The following PEX7 variants were observed in gnomAD, a reference collection of about 807,000 sequenced individuals.
PEX7 encodes PTS2 receptor.
In PEX7, 34 loss-of-function variants were observed where a neutral mutation model predicts 47.5. The ratio of observed to expected loss-of-function variants is 0.72; its 90% CI spans 0.54 to 0.95. The LOEUF is 0.95. Ranked by LOEUF, PEX7 falls within the 40% of genes least tolerant of loss-of-function variation. PEX7 has a pLI of 0.00. For missense variants in PEX7, 394 were observed against 400.3 expected (o/e 0.98, Z 0.13); for synonymous variants, 141 against 148.8 (o/e 0.95, Z 0.38).
At chr6:136,878,250 AC>A (rs1403600513) in intron 8 of PEX7, among the ~76,000 whole-genome samples, 1 of 152,188 alleles carries the variant, frequency 6.6e-6, no homozygotes, top group East Asian at 1.9e-4. Context: ...TCATCTGCAA[AC>A]ACAGACGATT....
intron 5 of PEX7, chr6:136,855,867 A>G (rs1774851984): frequency 4.7e-6 from 1 of 210,996 alleles, no homozygotes. Context: ...CTTTATGCGT[A>G]TGACCAAATA....
At chr6:136,842,002 CTT>C (rs1201074060) in intron 3 of PEX7, among the ~76,000 whole-genome samples, 18 of 139,708 alleles carry the variant, frequency 1.3e-4, no homozygotes, top group Admixed American at 1.4e-4. Flanking sequence ...TTTTCTTTTT[CTT>C]TTTTTTTTTT....
intron 8 of PEX7, among the ~76,000 whole-genome samples, chr6:136,885,084 A>T (rs901583124): frequency 1.3e-5 from 2 of 152,216 alleles, no homozygotes; most frequent in Non-Finnish European, 2.9e-5. Context: ...TTTCATACCA[A>T]GTAGATCATT....
intron 3 of PEX7, among the ~76,000 whole-genome samples, chr6:136,835,416 G>A (rs767466622): frequency 7.2e-5 from 11 of 151,838 alleles, no homozygotes; most frequent in Non-Finnish European, 1.6e-4. Flanking sequence ...AGCCTCTTGA[G>A]TAGCTCAGAT....
At chr6:136,826,875 T>G (rs936381727) in intron 3 of PEX7, among the ~76,000 whole-genome samples, 2 of 152,026 alleles carry the variant, frequency 1.3e-5, no homozygotes, top group African/African-American at 4.8e-5. Flanking sequence ...TGTTTCAGAG[T>G]ATATTGGAGC....
intron 3 of PEX7, among the ~76,000 whole-genome samples, chr6:136,838,717 G>A (rs926962015): frequency 6.6e-6 from 1 of 152,180 alleles, no homozygotes; most frequent in African/African-American, 2.4e-5. Context: ...AAGGTCTGAT[G>A]TTAGAATACT....
At chr6:136,873,594 T>G (rs1250610614) in intron 8 of PEX7, among the ~76,000 whole-genome samples, 2 of 152,166 alleles carry the variant, frequency 1.3e-5, no homozygotes, top group Non-Finnish European at 2.9e-5. Context: ...GTTCTACACC[T>G]TCATTTCCAA....
intron 9 of PEX7, among the ~76,000 whole-genome samples, chr6:136,898,672 T>G (rs574215918): frequency 6.6e-6 from 1 of 152,336 alleles, no homozygotes; most frequent in Admixed American, 6.5e-5. Flanking sequence ...TCACACCACG[T>G]GTCGAATGGG....
At chr6:136,862,992 A>G (rs1774993694) in intron 5 of PEX7, among the ~76,000 whole-genome samples, 1 of 152,192 alleles carries the variant, frequency 6.6e-6, no homozygotes. Context: ...ATGAGAGATC[A>G]TTTCATCAAA....
intron 3 of PEX7, among the ~76,000 whole-genome samples, chr6:136,832,726 A>G (rs906516551): frequency 6.6e-6 from 1 of 152,164 alleles, no homozygotes; most frequent in African/African-American, 2.4e-5. Flanking sequence ...ACTCTAAATC[A>G]TCTCTCTCAA....
intron 8 of PEX7, among the ~76,000 whole-genome samples, chr6:136,886,924 A>T (rs2115255289): frequency 6.6e-6 from 1 of 152,178 alleles, no homozygotes; most frequent in Middle Eastern, 3.4e-3. Flanking sequence ...GGTGGCACAT[A>T]CCTGTGATCT....
At chr6:136,891,678 T>G (rs116695664) in intron 8 of PEX7, among the ~76,000 whole-genome samples, 1 of 150,772 alleles carries the variant, frequency 6.6e-6, no homozygotes, top group African/African-American at 2.4e-5. Context: ...AGACAGAGTC[T>G]CACTCTGTTG....
intron 5 of PEX7, among the ~76,000 whole-genome samples, chr6:136,846,899 T>A (rs1774615627): frequency 6.6e-6 from 1 of 152,192 alleles, no homozygotes; most frequent in Non-Finnish European, 1.5e-5. Flanking sequence ...TAGTTCTAGA[T>A]CCTTGAGGAA....
chr6:136,885,302 A>C (rs1480411766), intron 8 of PEX7, among the ~76,000 whole-genome samples: 1 of 152,204 alleles, frequency 6.6e-6, no homozygotes, highest in Non-Finnish European at 1.5e-5. Flanking sequence ...TACTTTTATA[A>C]ATATTATAAC....
At chr6:136,850,073 C>A (rs1018488232) in intron 5 of PEX7, among the ~76,000 whole-genome samples, 1 of 151,922 alleles carries the variant, frequency 6.6e-6, no homozygotes, top group South Asian at 2.1e-4. Flanking sequence ...ATAGTTAGCT[C>A]TTCTTGTTGC....
At chr6:136,825,042 C>T (rs1774162133) in intron 1 of PEX7, among the ~76,000 whole-genome samples, 172 bp from the exon 2 acceptor site, 1 of 152,154 alleles carries the variant, frequency 6.6e-6, no homozygotes, top group South Asian at 2.1e-4. Flanking sequence ...ATTCATGTCC[C>T]AAAAACTTTA....
chr6:136,863,228 A>T (rs1274467827), intron 5 of PEX7, among the ~76,000 whole-genome samples: 1 of 152,172 alleles, frequency 6.6e-6, no homozygotes, highest in Non-Finnish European at 1.5e-5. Flanking sequence ...AGAGGGACTG[A>T]CATTATTTTT....
intron 5 of PEX7, among the ~76,000 whole-genome samples, chr6:136,858,638 T>G (rs747681114): frequency 1.4e-4 from 22 of 152,266 alleles, no homozygotes; most frequent in Admixed American, 2.6e-4. Context: ...AGCACTGTAC[T>G]AGTCTATGGA....
At chr6:136,835,092 A>C (rs1774361350) in intron 3 of PEX7, among the ~76,000 whole-genome samples, 1 of 151,594 alleles carries the variant, frequency 6.6e-6, no homozygotes, top group Non-Finnish European at 1.5e-5. Flanking sequence ...GGCATGACTA[A>C]TTTTGTATTT....
Sources: allele counts gnomAD v4.1 joint callset (sites outside exome capture counted in the v4.1 genomes callset), GRCh38; gene constraint gnomAD v4.1.1; transcripts MANE v1.5; gene names NCBI Gene and HGNC (gene_info 2026-07-23, HGNC 2026-07-21).